Variants in UPP2 observed in about 807,000 individuals in gnomAD.
UPP2 encodes uridine phosphorylase 2.
Under a neutral mutation model 26.7 loss-of-function variants are expected in UPP2, and 23 were observed. That is an observed-to-expected ratio of 0.86 (90% CI 0.62 to 1.22). The LOEUF (loss-of-function observed/expected upper bound fraction) is 1.22. UPP2 is among the 50% of genes most tolerant of loss of function. The pLI, the probability that UPP2 is intolerant of heterozygous loss-of-function variation, is 0.00. For missense variants in UPP2, 387 were observed against 396.7 expected (o/e 0.98, Z 0.21); for synonymous variants, 127 against 141.3 (o/e 0.90, Z 0.72).
rs761426966 is a variant in UPP2, at chr2:158,123,860, T to C, written c.776T>C (p.Val259Ala). ...AGGAATATTGAAATGGAATCTACAG[T>C]GTTTGCAGCTATGTGTGGACTCTGT... ...GVRNIEMEST[V>A]FAAMCGLCGL... is the part of the protein sequence containing the mutation. Residue 259 changes from valine to alanine, a missense_variant, in exon 6 of 7, where the codon GTG becomes GCG. Val to Ala is a moderately conservative substitution (Grantham distance 64). Coordinates refer to ENST00000005756, the MANE Select transcript of UPP2 (RefSeq NM_173355.4). 2 of 1,614,054 alleles carry C rather than the reference T, an allele frequency of 1.2e-6. No individual in the cohort carries two copies. The highest frequency in any genetic ancestry group is 1.7e-6 in the Non-Finnish European group (2 of 1,179,924).
intron 4 of UPP2, among the ~76,000 whole-genome samples, chr2:158,119,636 A>G (rs1683518109): frequency 6.6e-6 from 1 of 152,032 alleles, no homozygotes; most frequent in African/African-American, 2.4e-5. Context: ...CATCATTTTT[A>G]TGTATATATT....
In UPP2 at chr2:158,134,996, T is replaced by C; in HGVS notation, c.*106T>C. The C allele has an allele frequency of 1.5e-6, 2 of 1,296,930 alleles. No homozygotes were observed. The highest frequency in any genetic ancestry group is 2.0e-6 in the Non-Finnish European group (2 of 983,770). 80.3% of individuals were successfully genotyped at this position (1,296,930 alleles called of 1,614,324 possible). A position where few individuals can be genotyped will look rare whatever the true frequency, so the allele number is the denominator to read the frequency against. On this transcript the variant is annotated 3_prime_UTR_variant, in exon 7 of 7. Coordinates refer to ENST00000005756, the MANE Select transcript of UPP2 (RefSeq NM_173355.4). ...CATTTTTATATAGTTCTCATCCACA[T>C]GCTAAATGGAAAGACTTTATGAAAT...
intron 3 of UPP2, among the ~76,000 whole-genome samples, chr2:158,051,909 G>A (rs1243036147): frequency 6.6e-6 from 1 of 152,170 alleles, no homozygotes; most frequent in Non-Finnish European, 1.5e-5. Context: ...ATTCTGTGGA[G>A]GGATGCTGCC....
At chr2:158,093,240 A>C (rs1011163712) in intron 3 of UPP2, among the ~76,000 whole-genome samples, 2 of 151,594 alleles carry the variant, frequency 1.3e-5, no homozygotes, top group Non-Finnish European at 2.9e-5. Context: ...TAATCATTCT[A>C]TAGAATGTAG....
chr2:158,060,325 G>A (rs1418189701), intron 3 of UPP2, among the ~76,000 whole-genome samples: 1 of 152,132 alleles, frequency 6.6e-6, no homozygotes, highest in African/African-American at 2.4e-5. Flanking sequence ...GTCATTTTAG[G>A]TTATTGTGGA....
chr2:158,115,069 T>C (rs751522362), intron 2 of UPP2, 32 bp from the exon 3 acceptor site: 2 of 1,562,288 alleles, frequency 1.3e-6, no homozygotes, highest in Non-Finnish European at 1.7e-6. Flanking sequence ...TCCCAGTTAC[T>C]ATGGCAGGCC....
At chr2:158,002,798 C>G (rs566417465) in intron 2 of UPP2, among the ~76,000 whole-genome samples, 2 of 152,312 alleles carry the variant, frequency 1.3e-5, no homozygotes, top group East Asian at 3.9e-4. Flanking sequence ...CATTTCCTGA[C>G]AGTTAAGAAG....
chr2:158,118,948 A>C (rs2105225337), intron 4 of UPP2, among the ~76,000 whole-genome samples: 2 of 152,126 alleles, frequency 1.3e-5, no homozygotes, highest in African/African-American at 4.8e-5. Context: ...AGGCCCTTAC[A>C]TCTGGGAGAA....
At chr2:158,018,151 G>A (rs903488201) in intron 3 of UPP2, among the ~76,000 whole-genome samples, 2 of 152,142 alleles carry the variant, frequency 1.3e-5, no homozygotes, top group African/African-American at 4.8e-5. Flanking sequence ...ACAGCCTCTC[G>A]TATGTGGTGT....
At chr2:158,005,225 T>C (rs1683471173) in intron 2 of UPP2, among the ~76,000 whole-genome samples, 1 of 152,178 alleles carries the variant, frequency 6.6e-6, no homozygotes, top group African/African-American at 2.4e-5. Context: ...CTGACTATAA[T>C]TGTGTTTTCC....
At chr2:158,031,532 A>G (rs1239633116) in intron 3 of UPP2, among the ~76,000 whole-genome samples, 2 of 152,176 alleles carry the variant, frequency 1.3e-5, no homozygotes, top group African/African-American at 4.8e-5. Flanking sequence ...GAGATCTGGG[A>G]AACCTGAGCT....
At chr2:158,020,312 A>G (rs1050815716) in intron 3 of UPP2, among the ~76,000 whole-genome samples, 36 of 152,164 alleles carry the variant, frequency 2.4e-4, no homozygotes, top group Admixed American at 5.2e-4. Context: ...CGTTAGTTCC[A>G]GCTCTTTCTT....
chr2:158,065,485 C>A, intron 3 of UPP2: 1 of 327,402 alleles, frequency 3.1e-6, no homozygotes, highest in East Asian at 7.4e-5. Context: ...TGCATCATTT[C>A]TGTATTCAAC....
At chr2:158,016,686 A>G (rs1683665126) in intron 3 of UPP2, among the ~76,000 whole-genome samples, 1 of 152,140 alleles carries the variant, frequency 6.6e-6, no homozygotes, top group Non-Finnish European at 1.5e-5. Flanking sequence ...TTCCTCTGGA[A>G]TTTGAACTTG....
intron 3 of UPP2, among the ~76,000 whole-genome samples, chr2:158,069,603 T>G (rs939133741): frequency 6.6e-6 from 1 of 152,176 alleles, no homozygotes; most frequent in Non-Finnish European, 1.5e-5. Flanking sequence ...TTTGTGTTCT[T>G]TTGTAGCAGA....
In UPP2 at chr2:158,063,117, A is replaced by T. The variant is rs142454044; in HGVS notation, c.148-38923A>T. Among the ~76,000 whole-genome samples the T allele has an allele frequency of 4.8e-4, 73 of 152,274 alleles. 1 individual carries two copies. Among genetic ancestry groups the T allele is most frequent in the Middle Eastern group, 6.8e-3 (2 of 294 alleles). On this transcript the variant is annotated intron_variant, in intron 3 of 9. Transcript: ENST00000605860. ...AGTGTAGCCTTTTCTTGAATGATTT[A>T]ACTTTTTTTTCTGAACAATTACCTT...
chr2:158,129,094 C>T (rs777633772), intron 6 of UPP2, among the ~76,000 whole-genome samples: 13 of 151,980 alleles, frequency 8.6e-5, no homozygotes, highest in Non-Finnish European at 1.3e-4. Context: ...CCCTCCTAGC[C>T]TCTATTCTAC....
At chr2:158,106,072 T>C in intron 1 of UPP2, 27 bp from the exon 2 acceptor site, 4 of 1,508,620 alleles carry the variant, frequency 2.7e-6, no homozygotes, top group Non-Finnish European at 3.6e-6. Flanking sequence ...TTCTTTTATA[T>C]CTTCTTTGTA....
rs184163317 is a variant in UPP2 at position 158,111,019 on chromosome 2, G to A, written c.181-4082G>A. 1.3e-3 allele frequency among the ~76,000 whole-genome samples: 199 copies of A among 152,104 alleles called. 1 individual carries two copies. Among genetic ancestry groups the A allele is most frequent in the African/African-American group, 4.1e-3 (172 of 41,534 alleles). ...AGAAGCTCTTTAGTTTAATTAGATC[G>A]CATTTGTCAATTTTGGCTTTTGTTG... is the stretch of plus-strand genomic sequence containing the variant. On this transcript the variant is annotated intron_variant, in intron 2 of 6. Coordinates refer to ENST00000005756, the MANE Select transcript of UPP2 (RefSeq NM_173355.4).
Sources: gnomAD v4.1 joint callset for allele counts (sites outside exome capture counted in the v4.1 genomes callset) on GRCh38, gnomAD v4.1.1 for gene constraint, MANE v1.5 for transcripts, NCBI Gene and HGNC (gene_info 2026-07-23, HGNC 2026-07-21) for gene names.